The following AOX1 variants were observed in gnomAD, a reference collection of about 807,000 sequenced individuals.
AOX1 encodes aldehyde oxidase 1.
In AOX1, 153 loss-of-function variants were observed where a neutral mutation model predicts 169.5. That is an observed-to-expected ratio of 0.90 (90% confidence interval 0.79 to 1.03). The LOEUF is 1.03. Ranked by LOEUF, AOX1 falls within the 50% of genes least tolerant of loss-of-function variation. The probability of loss-of-function intolerance (pLI) is 0.00; values close to 1 mark genes in which losing one functional copy is unlikely to be tolerated. For missense variants in AOX1, 1,656 were observed against 1,663.9 expected, an observed-to-expected ratio of 1.00 and a Z score of 0.08; for synonymous variants, 562 against 581.9, an observed-to-expected ratio of 0.97 and a Z score of 0.49.
intron 25 of AOX1, among the ~76,000 whole-genome samples, chr2:200,650,409 CAT>C (rs1420805293): frequency 2.6e-5 from 4 of 152,182 alleles, no homozygotes; most frequent in Non-Finnish European, 5.9e-5. Flanking sequence ...GAGAATGTGA[CAT>C]ACTTGGCACC....
intron 24 of AOX1, 68 bp downstream of exon 24, chr2:200,641,252 A>G: frequency 2.8e-6 from 3 of 1,079,106 alleles, no homozygotes; most frequent in Non-Finnish European, 2.8e-6. Context: ...TAACTTAGAA[A>G]ATGCCCAATA....
Position 200,586,025 on chromosome 2 carries a change from CG to C in AOX1, c.-82del, listed in dbSNP as rs948607452. 1.5e-4 allele frequency: 227 copies of C among 1,485,046 alleles called. No homozygotes were observed. Among genetic ancestry groups the C allele is most frequent in the Non-Finnish European group, 2.0e-4 (219 of 1,095,278 alleles). 92.0% of individuals were successfully genotyped at this position (1,485,046 alleles called of 1,614,324 possible). On this transcript the variant is annotated 5_prime_UTR_variant, in exon 1 of 35. Coordinates refer to ENST00000374700, the MANE Select transcript of AOX1 (RefSeq NM_001159.4). ...GCAAGCCCCGCCCCACTCGGCGGGT[CG>C]GTGCCGCCGGGTCCCAGGTGCCCGC... is the stretch of plus-strand genomic sequence containing the variant.
chr2:200,663,067 C>T lies in AOX1; in HGVS notation c.3543+98C>T, dbSNP rs373797140. The T allele has an allele frequency of 1.5e-4, 131 of 897,288 alleles. 3 individuals are homozygous for T. Among genetic ancestry groups the T allele is most frequent in the East Asian group, 5.6e-4 (22 of 39,316 alleles). The allele number at this position is 897,288 out of a possible 1,614,324, so 55.6% of individuals were successfully genotyped here. ...AGGAGAGCTTAGTGAGTGGCAGCAT[C>T]GTGCATTTGGCCTAAGGGTGATTTC... On this transcript the variant is annotated intron_variant, in intron 31 of 34. Transcript: ENST00000374700.
downstream of AOX1, among the ~76,000 whole-genome samples, chr2:200,674,918 C>T (rs923581955): frequency 1.3e-5 from 2 of 152,230 alleles, no homozygotes; most frequent in Admixed American, 6.5e-5. Context: ...TCACCACTAT[C>T]TAAGGGCTTA....
At chr2:200,649,469 G>A (rs1420521256) in intron 25 of AOX1, among the ~76,000 whole-genome samples, 1 of 152,184 alleles carries the variant, frequency 6.6e-6, no homozygotes, top group Non-Finnish European at 1.5e-5. Flanking sequence ...CCTGGGTCCT[G>A]CAGGAGTAGT....
chr2:200,671,616 A>G (rs2036029756), downstream of AOX1: 1 of 152,200 alleles, frequency 6.6e-6, no homozygotes, highest in Admixed American at 6.5e-5. Context: ...CCACCATTTT[A>G]TATGCAGTAG....
In AOX1 at chr2:200,597,405, C is replaced by G; in HGVS notation, c.209C>G (p.Pro70Arg). 6.2e-7 allele frequency: 1 copy of G among 1,602,802 alleles called. No individual in the cohort carries two copies. Among genetic ancestry groups the G allele is most frequent in the Non-Finnish European group, 8.5e-7 (1 of 1,174,114 alleles). ...TCTTTTGCATTCTGAAGGCATCACCCAGCCAATGCCTGTCTGATTCCCATC... is the reference window on the plus strand; with the variant it reads ...TCTTTTGCATTCTGAAGGCATCACCGAGCCAATGCCTGTCTGATTCCCATC... Reference protein sequence around the residue: ...NPITKRIRHHPANACLIPICS... With the variant: ...NPITKRIRHHRANACLIPICS... The change falls in exon 4 of 35, where the codon CCA (proline) becomes CGA (arginine). Residue 70 changes from proline (P) to arginine (R), a missense_variant. By Grantham distance (103) the Pro-to-Arg change is moderately radical. Coordinates refer to ENST00000374700, the MANE Select transcript of AOX1 (RefSeq NM_001159.4).
At chr2:200,657,190 A>ATATATATATTTTTTTTT in intron 27 of AOX1, among the ~76,000 whole-genome samples, 3 of 62,880 alleles carry the variant, frequency 4.8e-5, no homozygotes, top group African/African-American at 1.6e-4. Context: ...ATATATATAT[A>ATATATATATTTTTTTTT]TTTTTTTTTT....
Position 200,593,160 on chromosome 2 carries a change from T to A in AOX1, c.60T>A (p.Asn20Lys). 6.2e-7 allele frequency: 1 copy of A among 1,613,610 alleles called. No homozygotes were observed. The highest frequency in any genetic ancestry group is 8.5e-7 in the Non-Finnish European group (1 of 1,179,738). The change falls in exon 2 of 35, where the codon AAT becomes AAA. Residue 20 changes from asparagine to lysine, a missense_variant. Physicochemically the swap from Asn to Lys is moderately conservative, Grantham distance 94. Transcript: ENST00000374700. ...CTTTGGTATAGGTGATAGAAAAAAA[T>A]GTCGATCCTGAAACAATGCTGTTGC... ...YVNGRKVIEK[N>K]VDPETMLLPY...
At chr2:200,586,216 C>T (rs2034027677) in intron 1 of AOX1, 63 bp downstream of exon 1, 1 of 1,469,638 alleles carries the variant, frequency 6.8e-7, no homozygotes, top group Admixed American at 2.4e-5. Context: ...AGAGAGGAGC[C>T]CCTGCCGTTC....
At chr2:200,656,484 G>C (rs2035687369) in intron 26 of AOX1, among the ~76,000 whole-genome samples, 1 of 152,006 alleles carries the variant, frequency 6.6e-6, no homozygotes, top group South Asian at 2.1e-4. Flanking sequence ...GATGATTTAG[G>C]GTGAGCTTAG....
At chr2:200,642,078 G>A (rs765998761) in intron 24 of AOX1, among the ~76,000 whole-genome samples, 21 of 152,088 alleles carry the variant, frequency 1.4e-4, no homozygotes, top group East Asian at 9.8e-4. Context: ...GCAGTGAGCC[G>A]AGATTTCACC....
intron 33 of AOX1, among the ~76,000 whole-genome samples, chr2:200,669,151 A>G (rs2035978883): frequency 6.6e-6 from 1 of 152,314 alleles, no homozygotes; most frequent in South Asian, 2.1e-4. Flanking sequence ...TTGAAACAAA[A>G]AATTTATATA....
At chr2:200,681,596 T>A (rs565954101), downstream of AOX1, 2 of 152,418 alleles carry the variant, frequency 1.3e-5, no homozygotes, top group African/African-American at 2.4e-5. Context: ...CTCAAAAAAA[T>A]TTATTGATTG....
chr2:200,663,545 A>AC (rs2035867351), intron 31 of AOX1, among the ~76,000 whole-genome samples: 21 of 117,706 alleles, frequency 1.8e-4, no homozygotes, highest in African/African-American at 4.4e-4. Flanking sequence ...CATACACACA[A>AC]ACACACACAC....
At position 200,612,699 on chromosome 2, in the gene AOX1, G is replaced by C; in HGVS notation, c.1354G>C (p.Gly452Arg). Residue 452 changes from glycine (G) to arginine (R), a missense_variant, in exon 14 of 35, where the codon GGG becomes CGG. Transcript: ENST00000374700. ...NSGMRVFFGE[G>R]DGIIRELCIS... ...AGGAATGAGAGTCTTTTTTGGAGAAGGGGATGGCATTATTAGAGAGTTATG... is the reference window on the plus strand; with the variant it reads ...AGGAATGAGAGTCTTTTTTGGAGAACGGGATGGCATTATTAGAGAGTTATG... 6.2e-7 allele frequency: 1 copy of C among 1,614,126 alleles called. No individual in the cohort carries two copies. The highest frequency in any genetic ancestry group is 2.2e-5 in the East Asian group (1 of 44,866).
At chr2:200,655,432 G>A (rs1262208553) in intron 26 of AOX1, among the ~76,000 whole-genome samples, 2 of 152,104 alleles carry the variant, frequency 1.3e-5, no homozygotes, top group Admixed American at 1.3e-4. Context: ...GCAAAAGATG[G>A]TGTTTCCAGG....
At chr2:200,662,707 C>T in intron 30 of AOX1, 148 bp from the exon 31 acceptor site, 1 of 606,620 alleles carries the variant, frequency 1.6e-6, no homozygotes, top group African/African-American at 1.8e-5. Context: ...TTATTCAACA[C>T]ATTTATCGCA....
chr2:200,661,500 G>A, intron 29 of AOX1, 79 bp from the exon 30 acceptor site: 2 of 1,103,156 alleles, frequency 1.8e-6, no homozygotes, highest in South Asian at 1.3e-5. Context: ...TAACACACAG[G>A]GTAAAATTAA....
Sources: allele counts gnomAD v4.1 joint callset (sites outside exome capture counted in the v4.1 genomes callset), GRCh38; gene constraint gnomAD v4.1.1; transcripts MANE v1.5; gene names NCBI Gene and HGNC (gene_info 2026-07-23, HGNC 2026-07-21).